Variants in CACNA2D3 observed in about 807,000 individuals in gnomAD.
CACNA2D3 encodes voltage-dependent calcium channel subunit alpha-2/delta-3.
A neutral mutation model predicts 160.6 loss-of-function variants in CACNA2D3; 60 were observed. That is an observed-to-expected ratio of 0.37 (90% CI 0.30 to 0.46). The LOEUF is 0.46. CACNA2D3 is among the 20% of genes least tolerant of loss of function. CACNA2D3 has a pLI of 1.00. For missense variants in CACNA2D3, 1,205 were observed against 1,365.0 expected (o/e 0.88, Z 1.85); for synonymous variants, 558 against 492.9 (o/e 1.13, Z -1.75).
At chr3:54,265,645 TGTATATATATA>T (rs1241823932) in intron 2 of CACNA2D3, among the ~76,000 whole-genome samples, 2 of 147,688 alleles carry the variant, frequency 1.4e-5, no homozygotes, top group African/African-American at 2.5e-5. Flanking sequence ...ATATATAGTG[TGTATATATATA>T]GTGTATATAT....
intron 4 of CACNA2D3, among the ~76,000 whole-genome samples, chr3:54,489,104 G>A (rs1222255663): frequency 6.6e-6 from 1 of 152,202 alleles, no homozygotes; most frequent in Non-Finnish European, 1.5e-5. Context: ...TGGTGCTGGT[G>A]TGGCTGGCCA....
Position 55,073,898 on chromosome 3 carries a change from G to T in CACNA2D3, c.3183+39G>T, listed in dbSNP as rs370150727. 1.3e-5 allele frequency: 19 copies of T among 1,517,384 alleles called. No individual in the cohort carries two copies. In the African/African-American group the frequency reaches 2.5e-4, roughly 20 times the overall value. 94.0% of individuals were successfully genotyped at this position (1,517,384 alleles called of 1,614,324 possible). ...CTGTTCCTGTTTCCTTTTCCCATCA[G>T]AATCACCACGAGAGTCTCACACTGG... On this transcript the variant is annotated intron_variant, in intron 37 of 37. Coordinates refer to ENST00000474759, the MANE Select transcript of CACNA2D3 (RefSeq NM_018398.3).
chr3:54,923,096 C>G (rs950967139), intron 27 of CACNA2D3, among the ~76,000 whole-genome samples: 8 of 152,168 alleles, frequency 5.3e-5, no homozygotes, highest in Admixed American at 2.0e-4. Flanking sequence ...AGCCTTTCGT[C>G]AGTTCTCCCA....
At chr3:54,836,000 G>A (rs1007567262) in intron 14 of CACNA2D3, among the ~76,000 whole-genome samples, 1 of 152,274 alleles carries the variant, frequency 6.6e-6, no homozygotes, top group Admixed American at 6.5e-5. Flanking sequence ...AGTTAGGAAA[G>A]ATTCAGAGCT....
chr3:54,445,580 ACACACACAC>A (rs1308869092), intron 4 of CACNA2D3, among the ~76,000 whole-genome samples: 1 of 151,746 alleles, frequency 6.6e-6, no homozygotes, highest in Admixed American at 6.6e-5. Flanking sequence ...ACACACACAC[ACACACACAC>A]TCATGTGAAG....
chr3:54,472,875 G>A (rs985464574), intron 4 of CACNA2D3, among the ~76,000 whole-genome samples: 2 of 152,038 alleles, frequency 1.3e-5, no homozygotes, highest in African/African-American at 2.4e-5. Flanking sequence ...CACTGCTCAA[G>A]GAAATAAAAG....
intron 4 of CACNA2D3, among the ~76,000 whole-genome samples, chr3:54,457,632 G>C (rs575394794): frequency 5.9e-5 from 9 of 152,086 alleles, no homozygotes; most frequent in African/African-American, 2.2e-4. Flanking sequence ...TAGATGATCT[G>C]TCCAGTACTG....
chr3:54,833,928 T>C (rs1703932092), intron 14 of CACNA2D3, among the ~76,000 whole-genome samples: 1 of 151,902 alleles, frequency 6.6e-6, no homozygotes. Flanking sequence ...GAGAGGTCCA[T>C]GAGATCATTG....
intron 25 of CACNA2D3, among the ~76,000 whole-genome samples, chr3:54,895,978 A>G (rs1700179404): frequency 6.6e-6 from 1 of 152,220 alleles, no homozygotes; most frequent in Admixed American, 6.5e-5. Context: ...CAAAAAATAA[A>G]TAAAAGGCTA....
intron 6 of CACNA2D3, among the ~76,000 whole-genome samples, chr3:54,569,195 C>T (rs1395024160): frequency 1.3e-5 from 2 of 152,176 alleles, no homozygotes; most frequent in Non-Finnish European, 2.9e-5. Flanking sequence ...ATGGGGAAAA[C>T]TCCCCAGGCT....
chr3:54,815,721 G>A (rs1201137536), intron 13 of CACNA2D3, among the ~76,000 whole-genome samples: 1 of 152,120 alleles, frequency 6.6e-6, no homozygotes, highest in Non-Finnish European at 1.5e-5. Context: ...TAACCTTTAA[G>A]TTCCATTTTA....
intron 5 of CACNA2D3, among the ~76,000 whole-genome samples, chr3:54,530,640 A>G (rs1174779892): frequency 6.6e-6 from 1 of 152,208 alleles, no homozygotes; most frequent in African/African-American, 2.4e-5. Context: ...CTTTAAATAT[A>G]TTATCTCCTT....
chr3:54,710,453 C>T (rs192603824), intron 11 of CACNA2D3, among the ~76,000 whole-genome samples: 55 of 152,292 alleles, frequency 3.6e-4, no homozygotes, highest in Non-Finnish European at 5.4e-4. Flanking sequence ...CCAACTTTAA[C>T]GTGCGGTCTT....
At chr3:54,467,968 A>G (rs532487963) in intron 4 of CACNA2D3, among the ~76,000 whole-genome samples, 1 of 152,226 alleles carries the variant, frequency 6.6e-6, no homozygotes, top group Non-Finnish European at 1.5e-5. Flanking sequence ...GCATGTGTCA[A>G]AACATCACAT....
At chr3:54,582,528 C>T (rs1702694867) in intron 9 of CACNA2D3, among the ~76,000 whole-genome samples, 1 of 152,202 alleles carries the variant, frequency 6.6e-6, no homozygotes, top group East Asian at 1.9e-4. Flanking sequence ...AGTACAGCTA[C>T]CGCAACCACC....
At chr3:54,647,121 T>G (rs1237610046) in intron 11 of CACNA2D3, among the ~76,000 whole-genome samples, 1 of 152,196 alleles carries the variant, frequency 6.6e-6, no homozygotes, top group Non-Finnish European at 1.5e-5. Flanking sequence ...AGCCTGCAGA[T>G]GAAAACACAG....
chr3:54,210,425 TG>T (rs1701352366), intron 2 of CACNA2D3, among the ~76,000 whole-genome samples: 1 of 133,998 alleles, frequency 7.5e-6, no homozygotes, highest in Non-Finnish European at 1.7e-5. Flanking sequence ...GCAAAGTTTT[TG>T]TGTGTGTGTG....
chr3:54,761,138 C>T (rs1702072797), intron 12 of CACNA2D3, among the ~76,000 whole-genome samples: 1 of 152,178 alleles, frequency 6.6e-6, no homozygotes, highest in Non-Finnish European at 1.5e-5. Flanking sequence ...TCCCTTGGCA[C>T]TGTTTTTGGA....
At chr3:54,336,441 G>A (rs1704380588) in intron 3 of CACNA2D3, among the ~76,000 whole-genome samples, 1 of 152,196 alleles carries the variant, frequency 6.6e-6, no homozygotes, top group Non-Finnish European at 1.5e-5. Flanking sequence ...CAGCCTATCA[G>A]TGGAATGCAG....
Sources: gnomAD v4.1 joint callset for allele counts (sites outside exome capture counted in the v4.1 genomes callset) on GRCh38, gnomAD v4.1.1 for gene constraint, MANE v1.5 for transcripts, NCBI Gene and HGNC (gene_info 2026-07-23, HGNC 2026-07-21) for gene names.